The following OSBPL3 variants were observed in gnomAD, a reference collection of about 807,000 sequenced individuals.
The protein encoded by OSBPL3 is oxysterol binding protein like 3, also known as oxysterol-binding protein-related protein 3.
A neutral mutation model predicts 120.1 loss-of-function variants in OSBPL3; 65 were observed. That is an observed-to-expected ratio of 0.54 (90% CI 0.44 to 0.67). The LOEUF (loss-of-function observed/expected upper bound fraction) is 0.67, where lower values mean the gene tolerates loss of function less well. Among genes scored for constraint, OSBPL3 ranks in the 30% least tolerant of loss-of-function variants. The pLI, the probability that OSBPL3 is intolerant of heterozygous loss-of-function variation, is 0.00. For missense variants in OSBPL3, 1,004 were observed against 1,082.1 expected (o/e 0.93, Z 1.01); for synonymous variants, 416 against 402.6 (o/e 1.03, Z -0.40).
At chr7:24,951,682 A>C (rs1367571316) in intron 1 of OSBPL3, among the ~76,000 whole-genome samples, 1 of 152,198 alleles carries the variant, frequency 6.6e-6, no homozygotes, top group Non-Finnish European at 1.5e-5. Flanking sequence ...TTAAAACAAG[A>C]AATATTCTTT....
chr7:24,899,774 CAA>C lies in OSBPL3; in HGVS notation c.-149-7155_-149-7154del, dbSNP rs1409405057. ...AACTATACAATCACCTACAATTTCT[CAA>C]AGTGTCCAGATCCACCTTCTTCAAA... On this transcript the variant is annotated intron_variant, in intron 1 of 22. Transcript: ENST00000313367. This position sits in a 1 kb window ranked among gnomAD's most constrained non-coding sequence, Gnocchi z 4.0. Among the ~76,000 whole-genome samples, 1 of 152,230 alleles carries C rather than the reference CAA, an allele frequency of 6.6e-6. No homozygotes were observed. Among genetic ancestry groups the C allele is most frequent in the African/African-American group, 2.4e-5 (1 of 41,466 alleles).
At position 24,797,053 on chromosome 7, in the gene OSBPL3, T is replaced by C. The variant is rs575444557; in HGVS notation, c.*3130A>G. On this transcript the variant is annotated 3_prime_UTR_variant, in exon 23 of 23. Transcript: ENST00000313367. This position sits in a 1 kb window ranked among gnomAD's most constrained non-coding sequence, Gnocchi z 4.8. ...ATTGCTTCTACTCATAACTAAAAGG[T>C]CTGCGGAGATTCTGTAGTAGCCAGA... 6.6e-6 allele frequency: 1 copy of C among 152,348 alleles called. No homozygotes were observed. The highest frequency in any genetic ancestry group is 1.9e-4 in the East Asian group (1 of 5,194). The allele number at this position is 152,348 out of a possible 1,614,324, so 9.4% of individuals were successfully genotyped here.
chr7:24,904,695 G>A (rs777931175), intron 1 of OSBPL3, among the ~76,000 whole-genome samples: 6 of 152,086 alleles, frequency 3.9e-5, no homozygotes, highest in Non-Finnish European at 8.8e-5. Context: ...CTTACAATGG[G>A]CAATAACATG....
rs1795189243 is a variant in OSBPL3 at position 24,822,033 on chromosome 7, C to T, written c.1885-1795G>A. 6.6e-6 allele frequency among the ~76,000 whole-genome samples: 1 copy of T among 152,050 alleles called. No homozygotes were observed. The highest frequency in any genetic ancestry group is 1.5e-5 in the Non-Finnish European group (1 of 68,010). ...GGACTAAAGGTGTGTGCCACCACGCCCGGCTAATTTTTTCACTTTTTGTAG... is the reference window on the plus strand; with the variant it reads ...GGACTAAAGGTGTGTGCCACCACGCTCGGCTAATTTTTTCACTTTTTGTAG... On this transcript the variant is annotated intron_variant, in intron 16 of 22. Transcript: ENST00000313367. The surrounding 1 kb of genome is among the most constrained non-coding windows in gnomAD (Gnocchi z 5.8).
chr7:24,941,298 G>A (rs1813081647), intron 1 of OSBPL3, among the ~76,000 whole-genome samples: 1 of 152,100 alleles, frequency 6.6e-6, no homozygotes, highest in Non-Finnish European at 1.5e-5. Flanking sequence ...GAAAAACCCT[G>A]GAGGAATAAA....
rs1812086998 is a variant in OSBPL3, at chr7:24,933,936, T to C, written c.-149-41315A>G. ...GTTGGCATTAAATCAGTTTAGTCTA[T>C]AAATACCTTTATAGATGACATTAGA... On this transcript the variant is annotated intron_variant, in intron 1 of 22. Transcript: ENST00000313367. The surrounding 1 kb of genome is among the most constrained non-coding windows in gnomAD (Gnocchi z 5.1). Among the ~76,000 whole-genome samples the C allele has an allele frequency of 6.6e-6, 1 of 152,198 alleles. No individual in the cohort carries two copies. Among genetic ancestry groups the C allele is most frequent in the African/African-American group, 2.4e-5 (1 of 41,446 alleles).
At position 24,849,675 on chromosome 7, in the gene OSBPL3, C is replaced by T. The variant is rs115194612; in HGVS notation, c.1159-499G>A. Among the ~76,000 whole-genome samples the T allele has an allele frequency of 3.1e-3, 479 of 152,184 alleles. 3 individuals carry two copies. The highest frequency in any genetic ancestry group is 0.01 in the African/African-American group (433 of 41,512). On this transcript the variant is annotated intron_variant, in intron 11 of 22. Transcript: ENST00000313367. This position sits in a 1 kb window ranked among gnomAD's most constrained non-coding sequence, Gnocchi z 5.4. Reference sequence around the variant, plus strand: ...AGATTTTAGAAAGTGTGCTGGAGGCCGGGCAAGGTGGCTCACACCTGTAAT... The same window carrying T: ...AGATTTTAGAAAGTGTGCTGGAGGCTGGGCAAGGTGGCTCACACCTGTAAT...
At position 24,947,164 on chromosome 7, in the gene OSBPL3, T is replaced by C. The variant is rs1463266993; in HGVS notation, c.-150+32722A>G. On this transcript the variant is annotated intron_variant, in intron 1 of 22. Coordinates refer to ENST00000313367, the MANE Select transcript of OSBPL3 (RefSeq NM_015550.4). This position sits in a 1 kb window ranked among gnomAD's most constrained non-coding sequence, Gnocchi z 4.4. ...TTGTAGAAAGGAGTAAAACAACAGA[T>C]GGAGGTTCTAAGATTCTAAGGTCCC... 6.6e-6 allele frequency among the ~76,000 whole-genome samples: 1 copy of C among 152,190 alleles called. No individual in the cohort carries two copies. Among genetic ancestry groups the C allele is most frequent in the Non-Finnish European group, 1.5e-5 (1 of 68,034 alleles).
At chr7:24,979,795 G>A (rs1054873020) in intron 1 of OSBPL3, 91 bp downstream of exon 1, 9 of 675,812 alleles carry the variant, frequency 1.3e-5, no homozygotes, top group Non-Finnish European at 1.6e-5. Flanking sequence ...GAGAACCGCG[G>A]CGCCCCGCAA....
Position 24,974,675 on chromosome 7 carries a change from G to C in OSBPL3, c.-150+5211C>G, listed in dbSNP as rs145151195. Among the ~76,000 whole-genome samples the C allele has an allele frequency of 7.2e-5, 11 of 152,298 alleles. No individual in the cohort carries two copies. In the East Asian group the frequency reaches 2.1e-3, roughly 29 times the overall value. On this transcript the variant is annotated intron_variant, in intron 1 of 22. Transcript: ENST00000313367. ...GTATTACTAGGCAATAAAAAGGAAT[G>C]AAGTACTGATACATGCTACAACAGA... is the stretch of plus-strand genomic sequence containing the variant.
At chr7:24,915,929 C>T (rs1286796518) in intron 1 of OSBPL3, among the ~76,000 whole-genome samples, 6 of 152,124 alleles carry the variant, frequency 3.9e-5, no homozygotes, top group Admixed American at 3.9e-4. Context: ...GTTAACAGTA[C>T]ATTGATTAGG....
Position 24,831,622 on chromosome 7 carries a change from GA to G in OSBPL3, c.1747-718del, listed in dbSNP as rs1796376338. ...AGCAATTCCCCGTCAGGGCATCAGG[GA>G]GGCACATTACCTTCTTTGTCTTTTC... On this transcript the variant is annotated intron_variant, in intron 15 of 22. Coordinates refer to ENST00000313367, the MANE Select transcript of OSBPL3 (RefSeq NM_015550.4). The surrounding 1 kb of genome is among the most constrained non-coding windows in gnomAD (Gnocchi z 4.0). Among the ~76,000 whole-genome samples the G allele has an allele frequency of 6.6e-6, 1 of 152,210 alleles. No homozygotes were observed. Among genetic ancestry groups the G allele is most frequent in the Non-Finnish European group, 1.5e-5 (1 of 68,040 alleles).
At chr7:24,856,465 C>T (rs773784845) in intron 10 of OSBPL3, among the ~76,000 whole-genome samples, 8 of 152,044 alleles carry the variant, frequency 5.3e-5, no homozygotes, top group Non-Finnish European at 1.2e-4. Flanking sequence ...TTCTCAGCAT[C>T]AGGAAAGAAT....
chr7:24,861,882 GTCT>G, intron 9 of OSBPL3, 113 bp from the exon 10 acceptor site: 1 of 592,350 alleles, frequency 1.7e-6, no homozygotes. Context: ...TTATAGGTAG[GTCT>G]TTTTTTTTTT....
intron 1 of OSBPL3, among the ~76,000 whole-genome samples, chr7:24,915,406 GAAC>G (rs1411599083): frequency 1.3e-5 from 2 of 152,036 alleles, no homozygotes; most frequent in Admixed American, 6.6e-5. Context: ...CTAGAAATGT[GAAC>G]AACCTCTTTA....
chr7:24,925,698 T>C (rs1056791634), intron 1 of OSBPL3, among the ~76,000 whole-genome samples: 1 of 152,238 alleles, frequency 6.6e-6, no homozygotes, highest in Non-Finnish European at 1.5e-5. Context: ...TCTATCACTG[T>C]AGCAGACAGA....
rs982401587 is a variant in OSBPL3, at chr7:24,819,905, T to C, written c.1948+270A>G. Among the ~76,000 whole-genome samples, 2 of 152,228 alleles carry C rather than the reference T, an allele frequency of 1.3e-5. No individual in the cohort carries two copies. Among genetic ancestry groups the C allele is most frequent in the African/African-American group, 4.8e-5 (2 of 41,466 alleles). ...AACCCCTCTGCTGTCTACACTCTGA[T>C]AAACAACTGTAAATATTTAATGTCT... On this transcript the variant is annotated intron_variant, in intron 17 of 22. Transcript: ENST00000313367. This position sits in a 1 kb window ranked among gnomAD's most constrained non-coding sequence, Gnocchi z 4.1.
intron 10 of OSBPL3, among the ~76,000 whole-genome samples, chr7:24,860,705 C>G (rs1328853487): frequency 6.6e-6 from 1 of 152,182 alleles, no homozygotes; most frequent in Non-Finnish European, 1.5e-5. Context: ...TGGTTATTTT[C>G]TGTCAGCATA....
Position 24,866,949 on chromosome 7 carries a change from C to T in OSBPL3, c.382-712G>A, listed in dbSNP as rs190356170. 1.7e-3 allele frequency among the ~76,000 whole-genome samples: 261 copies of T among 152,158 alleles called. 2 individuals are homozygous for T. Among genetic ancestry groups the T allele is most frequent in the African/African-American group, 5.6e-3 (233 of 41,512 alleles). ...CCGAGTAGCTGGGATTACAGGTGTG[C>T]GCCATCATGCCCAGCTAATTTTTTG... On this transcript the variant is annotated intron_variant, in intron 5 of 22. Coordinates refer to ENST00000313367, the MANE Select transcript of OSBPL3 (RefSeq NM_015550.4).
Sources: allele counts gnomAD v4.1 joint callset (sites outside exome capture counted in the v4.1 genomes callset), GRCh38; gene constraint gnomAD v4.1.1; non-coding constraint Gnocchi (gnomAD v3.1); transcripts MANE v1.5; gene names NCBI Gene and HGNC (gene_info 2026-07-23, HGNC 2026-07-21).